The following SNX7 variants were observed in gnomAD, a reference collection of about 807,000 sequenced individuals.
SNX7 encodes sorting nexin 7.
A neutral mutation model predicts 48.4 loss-of-function variants in SNX7; 35 were observed. The ratio of observed to expected loss-of-function variants is 0.72; its 90% CI spans 0.55 to 0.96. The LOEUF (loss-of-function observed/expected upper bound fraction) is 0.96, where lower values mean the gene tolerates loss of function less well. SNX7 is among the 40% of genes least tolerant of loss of function. The pLI is 0.00. For synonymous variants in SNX7, 190 were observed against 190.2 expected (o/e 1.00, Z 0.01); for missense variants, 553 against 548.9 (o/e 1.01, Z -0.07).
chr1:98,723,090 A>C (rs148831288), intron 7 of SNX7, among the ~76,000 whole-genome samples: 1 of 152,288 alleles, frequency 6.6e-6, no homozygotes, highest in East Asian at 1.9e-4. Context: ...AGTACAAGAC[A>C]AATAAATAAA....
Position 98,760,244 on chromosome 1 carries a change from C to A in SNX7, c.*113C>A. On this transcript the variant is annotated 3_prime_UTR_variant, in exon 9 of 9. Transcript: ENST00000306121. ...TGGATGAAAAATGTTTTGTACCCAT[C>A]TGGAAAACCAACAACTTGAAATCTC... The A allele has an allele frequency of 2.6e-6, 2 of 778,002 alleles. No individual in the cohort carries two copies. The highest frequency in any genetic ancestry group is 1.7e-5 in the South Asian group (1 of 59,478). 48.2% of individuals were successfully genotyped at this position (778,002 alleles called of 1,614,324 possible). A position where few individuals can be genotyped will look rare whatever the true frequency, so the allele number is the denominator to read the frequency against.
At chr1:98,666,289 T>C (rs1217636883) in intron 1 of SNX7, among the ~76,000 whole-genome samples, 1 of 152,176 alleles carries the variant, frequency 6.6e-6, no homozygotes, top group African/African-American at 2.4e-5. Context: ...TTAGCATCCC[T>C]AGCTTTAAAG....
Position 98,680,981 on chromosome 1 carries a change from A to G in SNX7, c.181-3904A>G, listed in dbSNP as rs554427857. Among the ~76,000 whole-genome samples the G allele has an allele frequency of 3.9e-5, 6 of 152,264 alleles. No homozygotes were observed. The East Asian group carries it at 9.6e-4, about 24-fold the overall frequency. ...CAGCAGTGCCCCACTCTTAGTACCAATTTACTGTGTTAGTCCATTTTCATG... is the reference window on the plus strand; with the variant it reads ...CAGCAGTGCCCCACTCTTAGTACCAGTTTACTGTGTTAGTCCATTTTCATG... On this transcript the variant is annotated intron_variant, in intron 1 of 8. Coordinates refer to ENST00000306121, the MANE Select transcript of SNX7 (RefSeq NM_015976.5).
rs767858079 is a variant in SNX7, at chr1:98,685,060, T to C, written c.356T>C (p.Ile119Thr). 102 of 1,477,462 alleles carry C rather than the reference T, an allele frequency of 6.9e-5. No individual in the cohort carries two copies. The highest frequency in any genetic ancestry group is 8.6e-5 in the Non-Finnish European group (95 of 1,104,100). 91.5% of individuals were successfully genotyped at this position (1,477,462 alleles called of 1,614,324 possible). Reference protein sequence around the residue: ...TIETFITYRIITKTSRGEFDS... With the variant: ...TIETFITYRITTKTSRGEFDS... Reference sequence around the variant, plus strand: ...GAAACTTTCATTACGTATAGGATTATTACTAAGGTAAACATTTGGTGAATA... The same window carrying C: ...GAAACTTTCATTACGTATAGGATTACTACTAAGGTAAACATTTGGTGAATA... The change falls in exon 2 of 9, where the codon ATT becomes ACT. Residue 119 changes from isoleucine (I) to threonine (T), a missense_variant. Transcript: ENST00000306121.
chr1:98,669,949 A>G (rs545532942), intron 1 of SNX7, among the ~76,000 whole-genome samples: 62 of 152,328 alleles, frequency 4.1e-4, no homozygotes, highest in African/African-American at 1.4e-3. Flanking sequence ...AAGGTAGGAG[A>G]GTAGGAACTC....
At chr1:98,714,341 C>A (rs1220500772) in intron 7 of SNX7, among the ~76,000 whole-genome samples, 1 of 152,072 alleles carries the variant, frequency 6.6e-6, no homozygotes, top group Admixed American at 6.6e-5. Context: ...GTAATTTGTT[C>A]CCATTTTTGT....
intron 8 of SNX7, among the ~76,000 whole-genome samples, chr1:98,759,656 G>T (rs992108033): frequency 2.6e-5 from 4 of 152,004 alleles, no homozygotes; most frequent in Non-Finnish European, 4.4e-5. Context: ...CTCCAATAAA[G>T]ATTAATCAAC....
At chr1:98,735,588 C>G (rs1017918586) in intron 7 of SNX7, among the ~76,000 whole-genome samples, 3 of 151,986 alleles carry the variant, frequency 2.0e-5, no homozygotes, top group Non-Finnish European at 2.9e-5. Flanking sequence ...GACTAAAATA[C>G]TGGAAGAAGA....
chr1:98,692,559 A>G (rs1407671634), intron 4 of SNX7, among the ~76,000 whole-genome samples: 1 of 152,174 alleles, frequency 6.6e-6, no homozygotes, highest in Non-Finnish European at 1.5e-5. Context: ...TAAAAAAAAT[A>G]CATGGGAACC....
intron 8 of SNX7, among the ~76,000 whole-genome samples, chr1:98,755,342 G>C (rs574800176): frequency 1.3e-5 from 2 of 152,024 alleles, no homozygotes; most frequent in South Asian, 4.1e-4. Flanking sequence ...TTATATATGA[G>C]TGCTGATTTT....
chr1:98,666,673 C>T (rs1009912730), intron 1 of SNX7, among the ~76,000 whole-genome samples: 8 of 152,240 alleles, frequency 5.3e-5, no homozygotes, highest in African/African-American at 1.7e-4. Flanking sequence ...CACTCTCCTA[C>T]GGAGAGATGG....
intron 4 of SNX7, among the ~76,000 whole-genome samples, chr1:98,693,505 G>A (rs1202090934): frequency 1.3e-5 from 2 of 152,192 alleles, no homozygotes; most frequent in African/African-American, 4.8e-5. Flanking sequence ...TGAATATGCG[G>A]CCTGACTTCA....
At chr1:98,665,375 A>C (rs1649482864) in intron 1 of SNX7, among the ~76,000 whole-genome samples, 1 of 152,196 alleles carries the variant, frequency 6.6e-6, no homozygotes, top group Non-Finnish European at 1.5e-5. Flanking sequence ...AGCGAACAGT[A>C]GGTTTCATTT....
intron 7 of SNX7, among the ~76,000 whole-genome samples, chr1:98,716,774 A>G (rs1652613615): frequency 6.6e-6 from 1 of 152,144 alleles, no homozygotes; most frequent in Admixed American, 6.6e-5. Context: ...TTTTAAGGCA[A>G]GTAACAATTA....
At chr1:98,689,052 G>A (rs1378865594) in intron 2 of SNX7, among the ~76,000 whole-genome samples, 3 of 151,992 alleles carry the variant, frequency 2.0e-5, no homozygotes, top group Non-Finnish European at 2.9e-5. Context: ...TTACAGGTGC[G>A]TGCCACTACG....
chr1:98,734,794 A>G (rs1653691294), intron 7 of SNX7, among the ~76,000 whole-genome samples: 1 of 152,116 alleles, frequency 6.6e-6, no homozygotes, highest in Non-Finnish European at 1.5e-5. Context: ...AATATAAAGC[A>G]TTTTTTCACT....
In SNX7 at chr1:98,663,252, G is replaced by GTTTTTTTTTTTTTTTTTTTTTTTTTTT. The variant is rs1491348958; in HGVS notation, c.180+1341_180+1342insTTTTTTTTTTTTTTTTTTTTTTTTTTT. On this transcript the variant is annotated intron_variant, in intron 1 of 8. Coordinates refer to ENST00000306121, the MANE Select transcript of SNX7 (RefSeq NM_015976.5). ...ATCAGAATCATCAGGGTTTCTTTCT[G>GTTTTTTTTTTTTTTTTTTTTTTTTTTT]GTTTTTTTTTTTTTTTTTTTTTTTT... 1.7e-4 allele frequency among the ~76,000 whole-genome samples: 14 copies of GTTTTTTTTTTTTTTTTTTTTTTTTTTT among 83,184 alleles called. 7 individuals carry two copies. Among genetic ancestry groups the GTTTTTTTTTTTTTTTTTTTTTTTTTTT allele is most frequent in the African/African-American group, 2.2e-4 (4 of 18,276 alleles). 54.6% of individuals were successfully genotyped at this position (83,184 alleles called of 152,430 possible). A position where few individuals can be genotyped will look rare whatever the true frequency, so the allele number is the denominator to read the frequency against.
intron 1 of SNX7, among the ~76,000 whole-genome samples, chr1:98,673,307 G>T (rs991433362): frequency 2.6e-5 from 4 of 152,012 alleles, no homozygotes; most frequent in African/African-American, 7.3e-5. Context: ...TGGTTGGTCC[G>T]ACTGGAATCC....
At chr1:98,717,859 G>C (rs1484319557) in intron 7 of SNX7, among the ~76,000 whole-genome samples, 1 of 151,978 alleles carries the variant, frequency 6.6e-6, no homozygotes. Context: ...CTTCCCAGGG[G>C]GCAGATTCTG....
Sources: gnomAD v4.1 joint callset for allele counts (sites outside exome capture counted in the v4.1 genomes callset) on GRCh38, gnomAD v4.1.1 for gene constraint, MANE v1.5 for transcripts, NCBI Gene and HGNC (gene_info 2026-07-23, HGNC 2026-07-21) for gene names.